The following MAMLD1 variants were observed in gnomAD, a reference collection of about 807,000 sequenced individuals.
MAMLD1 encodes the protein mastermind-like domain-containing protein 1.
MAMLD1 carries 14 observed loss-of-function variants against 45.0 expected under a neutral mutation model. The ratio of observed to expected loss-of-function variants is 0.31; its 90% CI spans 0.21 to 0.49. MAMLD1 has a LOEUF of 0.49. MAMLD1 is among the 20% of genes least tolerant of loss of function. The pLI, the probability that MAMLD1 is intolerant of heterozygous loss-of-function variation, is 0.99. For synonymous variants in MAMLD1, 254 were observed against 247.8 expected, an observed-to-expected ratio of 1.02 and a Z score of -0.24; for missense variants, 543 against 603.6, an observed-to-expected ratio of 0.90 and a Z score of 1.05.
Position 150,471,449 on chromosome X carries a change from C to T in MAMLD1, c.1876C>T (p.Arg626Ter). The change falls in exon 4 of 8, where the codon CGA becomes TGA. Residue 626 changes from arginine to a stop codon, truncating the protein, a stop_gained. Coordinates refer to ENST00000370401, the MANE Select transcript of MAMLD1 (RefSeq NM_005491.5). LOFTEE classifies it high-confidence loss of function. Reference sequence around the variant, plus strand: ...GATGCAGCAACCCCAGCGTTTTCAGCGATCAGTGGCCTCAGATTCCATGCC... The same window carrying T: ...GATGCAGCAACCCCAGCGTTTTCAGTGATCAGTGGCCTCAGATTCCATGCC... Reference protein sequence around the residue: ...QMMQQPQRFQRSVASDSMPAL... With the variant: ...QMMQQPQRFQ The T allele has an allele frequency of 2.5e-6, 3 of 1,210,918 alleles. No homozygotes were observed. Among genetic ancestry groups the T allele is most frequent in the Non-Finnish European group, 2.2e-6 (2 of 894,534 alleles).
At chrX:150,511,253 G>C (rs1240984172) in intron 7 of MAMLD1, among the ~76,000 whole-genome samples, 1 of 111,034 alleles carries the variant, frequency 9.0e-6, no homozygotes. Context: ...GGACTCTCAT[G>C]ACAATGAGGG....
rs191970521 is a variant in MAMLD1, at chrX:150,513,232, T to C, written c.*1273T>C. 1.7e-3 allele frequency: 810 copies of C among 468,861 alleles called. 3 individuals carry two copies. The highest frequency in any genetic ancestry group is 0.017 in the African/African-American group (705 of 41,395). The allele number at this position is 468,861 out of a possible 1,213,427, so 38.6% of individuals were successfully genotyped here. ...TGACAAAATGGAAAGCTGGTGATTT[T>C]TCAAGCTACGTGTACATATTTGAAA... On this transcript the variant is annotated 3_prime_UTR_variant, in exon 8 of 8. Coordinates refer to ENST00000370401, the MANE Select transcript of MAMLD1 (RefSeq NM_005491.5).
At chrX:150,422,762 G>A (rs2034562416) in intron 1 of MAMLD1, among the ~76,000 whole-genome samples, 1 of 111,543 alleles carries the variant, frequency 9.0e-6, no homozygotes. Flanking sequence ...TAACATTCTA[G>A]GATTCTAACC....
upstream of MAMLD1, among the ~76,000 whole-genome samples, chrX:150,362,440 CTCTCCTCTCCTCTCA>C (rs1350024968): frequency 5.5e-5 from 6 of 108,295 alleles, no homozygotes; most frequent in African/African-American, 1.7e-4. Flanking sequence ...TCCTCCTCTC[CTCTCCTCTCCTCTCA>C]TCTCCTCTCC....
At chrX:150,440,954 A>C (rs2035288771) in intron 1 of MAMLD1, among the ~76,000 whole-genome samples, 1 of 104,894 alleles carries the variant, frequency 9.5e-6, no homozygotes, top group African/African-American at 3.4e-5. Context: ...TATTAAAATA[A>C]TTTAATAAAA....
At chrX:150,365,077 C>G (rs1019097849) in intron 1 of MAMLD1, among the ~76,000 whole-genome samples, 1 of 111,591 alleles carries the variant, frequency 9.0e-6, no homozygotes, top group Non-Finnish European at 1.9e-5. Flanking sequence ...TCCCTCCCAC[C>G]TCTTCTTGTC....
rs187831031 is a variant in MAMLD1, at chrX:150,489,693, C to T, written c.2041-13581C>T. ...GCAGAGGGGTGAGGGAAAAAGGGTT[C>T]CCTCGATGTTTGTGGTAGAAAGAAG... On this transcript the variant is annotated intron_variant, in intron 5 of 7. Transcript: ENST00000370401. Among the ~76,000 whole-genome samples, 506 of 109,192 alleles carry T rather than the reference C, an allele frequency of 4.6e-3. 1 individual carries two copies. The highest frequency in any genetic ancestry group is 7.1e-3 in the Admixed American group (73 of 10,294). 94.8% of individuals were successfully genotyped at this position (109,192 alleles called of 115,157 possible). A position where few individuals can be genotyped will look rare whatever the true frequency, so the allele number is the denominator to read the frequency against.
chrX:150,408,061 T>C (rs2034040280), intron 1 of MAMLD1, among the ~76,000 whole-genome samples: 1 of 111,809 alleles, frequency 8.9e-6, no homozygotes. Flanking sequence ...CCAACTGTTA[T>C]GTTTTCAGGA....
At chrX:150,491,160 C>A (rs1458247920) in intron 5 of MAMLD1, among the ~76,000 whole-genome samples, 1 of 111,315 alleles carries the variant, frequency 9.0e-6, no homozygotes, top group Non-Finnish European at 1.9e-5. Flanking sequence ...CCTCACAACA[C>A]CCCCAAGCAG....
chrX:150,402,535 C>T (rs1557402478), intron 1 of MAMLD1, among the ~76,000 whole-genome samples: 1 of 111,848 alleles, frequency 8.9e-6, no homozygotes, highest in East Asian at 2.8e-4. Flanking sequence ...GGATCTAGAA[C>T]TAGAAATACC....
chrX:150,432,024 G>C (rs948800432), intron 1 of MAMLD1, among the ~76,000 whole-genome samples: 3 of 110,698 alleles, frequency 2.7e-5, no homozygotes, highest in African/African-American at 9.9e-5. Context: ...ATGTCTATTA[G>C]TTCAGTTAGT....
At chrX:150,421,926 AG>A (rs1331671972) in intron 1 of MAMLD1, among the ~76,000 whole-genome samples, 2 of 112,308 alleles carry the variant, frequency 1.8e-5, no homozygotes, top group African/African-American at 6.5e-5. Flanking sequence ...CAGCCACTGA[AG>A]GGAAGTCTGT....
intron 1 of MAMLD1, among the ~76,000 whole-genome samples, chrX:150,370,347 G>T (rs1373399211): frequency 8.9e-6 from 1 of 111,852 alleles, no homozygotes; most frequent in Non-Finnish European, 1.9e-5. Flanking sequence ...ACTTCGAGGA[G>T]GAAAATTTCA....
In MAMLD1 at chrX:150,512,056, A is replaced by G; in HGVS notation, c.*97A>G. On this transcript the variant is annotated 3_prime_UTR_variant, in exon 8 of 8. Transcript: ENST00000370401. ...GTAGCCGGATCAAGGCAAGCCCCCC[A>G]TCTAGCAAGCACTTGATGCCACCCA... 1 of 1,120,658 alleles carries G rather than the reference A, an allele frequency of 8.9e-7. No homozygotes were observed. The highest frequency in any genetic ancestry group is 1.2e-6 in the Non-Finnish European group (1 of 852,535). 92.4% of individuals were successfully genotyped at this position (1,120,658 alleles called of 1,213,427 possible).
At chrX:150,506,628 C>T (rs782245526) in intron 6 of MAMLD1, among the ~76,000 whole-genome samples, 4 of 112,501 alleles carry the variant, frequency 3.6e-5, no homozygotes, top group South Asian at 7.3e-4. Flanking sequence ...GCCTTTCCCC[C>T]GTTGGAGTCC....
At chrX:150,458,439 C>G (rs2035937653) in intron 2 of MAMLD1, among the ~76,000 whole-genome samples, 1 of 111,513 alleles carries the variant, frequency 9.0e-6, no homozygotes, top group African/African-American at 3.3e-5. Flanking sequence ...AAGGTCACCT[C>G]TGGCCTAAGC....
rs781828010 is a variant in MAMLD1 at position 150,458,673 on chromosome X, AT to A, written c.97-4098del. Among the ~76,000 whole-genome samples the A allele has an allele frequency of 3.6e-5, 4 of 112,248 alleles. No individual in the cohort carries two copies. The East Asian group carries it at 1.1e-3, about 31-fold the overall frequency. The stretch of plus-strand genomic sequence containing the variant: ...TTGAGGTATAAGTGACAAATTAAAA[AT>A]GTATATTTAAGGTATACAGTGTGAT... On this transcript the variant is annotated intron_variant, in intron 2 of 7. Coordinates refer to ENST00000370401, the MANE Select transcript of MAMLD1 (RefSeq NM_005491.5).
intron 1 of MAMLD1, among the ~76,000 whole-genome samples, chrX:150,430,515 C>A (rs1166642572): frequency 9.0e-6 from 1 of 111,392 alleles, no homozygotes; most frequent in Non-Finnish European, 1.9e-5. Context: ...ATGGGTTATG[C>A]TTTTGGTGTC....
rs782053973 is a variant in MAMLD1, at chrX:150,426,769, C to T, written c.-63-18685C>T. Among the ~76,000 whole-genome samples the T allele has an allele frequency of 1.3e-4, 14 of 111,546 alleles. 1 individual carries two copies. The South Asian group carries it at 3.4e-3, about 27-fold the overall frequency. The stretch of plus-strand genomic sequence containing the variant: ...CAGTCCCTCACCACAGAAGACTAAG[C>T]AGGCCCAGAAGCTCAAAGTAACCAG... On this transcript the variant is annotated intron_variant, in intron 1 of 7. Coordinates refer to ENST00000370401, the MANE Select transcript of MAMLD1 (RefSeq NM_005491.5).
Sources: gnomAD v4.1 joint callset for allele counts (sites outside exome capture counted in the v4.1 genomes callset) on GRCh38, gnomAD v4.1.1 for gene constraint, MANE v1.5 for transcripts, NCBI Gene and HGNC (gene_info 2026-07-23, HGNC 2026-07-21) for gene names.